LRRC4C: variants seen among roughly 807,000 people sequenced by gnomAD.
The protein encoded by LRRC4C is leucine-rich repeat-containing protein 4C.
A neutral mutation model predicts 33.6 loss-of-function variants in LRRC4C; 5 were observed. The ratio of observed to expected loss-of-function variants is 0.15; its 90% CI spans 0.08 to 0.31. The LOEUF (loss-of-function observed/expected upper bound fraction) is 0.31, where lower values mean the gene tolerates loss of function less well. LRRC4C is among the 10% of genes least tolerant of loss of function. LRRC4C has a pLI of 1.00. For missense variants in LRRC4C, 560 were observed against 796.7 expected, an observed-to-expected ratio of 0.70 and a Z score of 3.58; for synonymous variants, 329 against 302.0, an observed-to-expected ratio of 1.09 and a Z score of -0.93.
intron 1 of LRRC4C, among the ~76,000 whole-genome samples, chr11:41,142,282 C>T (rs1044391656): frequency 2.6e-5 from 4 of 152,144 alleles, no homozygotes; most frequent in African/African-American, 9.7e-5. Flanking sequence ...CATAGATGAC[C>T]TCTACCTTCA....
chr11:41,021,214 A>T (rs200529695), intron 1 of LRRC4C, among the ~76,000 whole-genome samples: 101,631 of 133,896 alleles, frequency 0.76, 37,313 homozygotes, highest in South Asian at 0.81. Flanking sequence ...AGAGAGAGAG[A>T]GTGTGTGTGT....
At chr11:40,282,165 A>G (rs960028027) in intron 4 of LRRC4C, among the ~76,000 whole-genome samples, 15 of 152,182 alleles carry the variant, frequency 9.9e-5, no homozygotes, top group African/African-American at 3.6e-4. Context: ...CCTGGCCAAC[A>G]TGGTGAAACC....
intron 2 of LRRC4C, among the ~76,000 whole-genome samples, chr11:40,842,986 A>G (rs1952982741): frequency 6.6e-6 from 1 of 152,200 alleles, no homozygotes; most frequent in African/African-American, 2.4e-5. Flanking sequence ...CTGTGTTTTC[A>G]TTCAGCCTGT....
At chr11:40,471,296 G>A (rs968902918) in intron 3 of LRRC4C, among the ~76,000 whole-genome samples, 1 of 152,222 alleles carries the variant, frequency 6.6e-6, no homozygotes, top group African/African-American at 2.4e-5. Flanking sequence ...AACTTCATAA[G>A]CGAAGGAGAA....
At chr11:40,733,213 C>T (rs1947693070) in intron 2 of LRRC4C, among the ~76,000 whole-genome samples, 1 of 151,232 alleles carries the variant, frequency 6.6e-6, no homozygotes, top group Non-Finnish European at 1.5e-5. Flanking sequence ...GTAGCTGGGA[C>T]AACAGGCGCC....
intron 2 of LRRC4C, among the ~76,000 whole-genome samples, chr11:40,912,935 CA>C (rs1262561206): frequency 6.6e-6 from 1 of 152,064 alleles, no homozygotes; most frequent in East Asian, 1.9e-4. Flanking sequence ...TAACAAAGAT[CA>C]AAAGAGACAA....
chr11:40,757,918 C>G (rs1188883526), intron 2 of LRRC4C, among the ~76,000 whole-genome samples: 1 of 151,970 alleles, frequency 6.6e-6, no homozygotes, highest in African/African-American at 2.4e-5. Context: ...CATTTCTTGA[C>G]AAGATACTTT....
chr11:40,995,062 T>C lies in LRRC4C; in HGVS notation c.-495-61339A>G, dbSNP rs1853871864. 1.3e-5 allele frequency among the ~76,000 whole-genome samples: 2 copies of C among 152,182 alleles called. 1 individual carries two copies. The highest frequency in any genetic ancestry group is 4.1e-4 in the South Asian group (2 of 4,832). On this transcript the variant is annotated intron_variant, in intron 1 of 6. Coordinates refer to ENST00000528697, the MANE Select transcript of LRRC4C (RefSeq NM_001258419.2). The stretch of plus-strand genomic sequence containing the variant: ...GTCTTTGTTGTTGTCATTCTAACAT[T>C]TCTCAAAAACATTCTAGAAACAACA...
intron 1 of LRRC4C, among the ~76,000 whole-genome samples, chr11:41,212,004 C>A (rs576962290): frequency 6.6e-6 from 1 of 152,248 alleles, no homozygotes; most frequent in African/African-American, 2.4e-5. Context: ...TATTTCCTGA[C>A]TTTTTAATGA....
chr11:40,619,003 C>A (rs1416720032), intron 3 of LRRC4C, among the ~76,000 whole-genome samples: 3 of 151,698 alleles, frequency 2.0e-5, no homozygotes, highest in Admixed American at 2.0e-4. Context: ...GATCACTGCA[C>A]TCTTTCCAAT....
chr11:40,951,602 A>G (rs976895844), intron 1 of LRRC4C, among the ~76,000 whole-genome samples: 3 of 151,990 alleles, frequency 2.0e-5, no homozygotes, highest in Non-Finnish European at 4.4e-5. Flanking sequence ...AAATATTCTA[A>G]TTTACATTTT....
chr11:41,298,482 G>C (rs529295275), intron 1 of LRRC4C, among the ~76,000 whole-genome samples: 1 of 151,832 alleles, frequency 6.6e-6, no homozygotes, highest in Admixed American at 6.6e-5. Flanking sequence ...GAATTGTTAA[G>C]AAAGAAACAG....
At chr11:40,960,172 G>A (rs1445916051) in intron 1 of LRRC4C, among the ~76,000 whole-genome samples, 1 of 151,560 alleles carries the variant, frequency 6.6e-6, no homozygotes, top group Non-Finnish European at 1.5e-5. Context: ...TCTATAATAA[G>A]CATGCAAGCT....
At chr11:40,693,943 C>T (rs538596908) in intron 2 of LRRC4C, among the ~76,000 whole-genome samples, 2 of 152,272 alleles carry the variant, frequency 1.3e-5, no homozygotes, top group East Asian at 1.9e-4. Context: ...TGCAATTCCA[C>T]ACACTTTATG....
intron 5 of LRRC4C, among the ~76,000 whole-genome samples, chr11:40,166,093 G>A (rs1859572761): frequency 6.6e-6 from 1 of 152,098 alleles, no homozygotes; most frequent in Non-Finnish European, 1.5e-5. Flanking sequence ...TGCTGTCGTA[G>A]GTATCTATAA....
chr11:40,726,515 C>T (rs1453021496), intron 2 of LRRC4C, among the ~76,000 whole-genome samples: 1 of 152,034 alleles, frequency 6.6e-6, no homozygotes, highest in Non-Finnish European at 1.5e-5. Context: ...AACATATGAT[C>T]ATTTCAATAG....
At chr11:41,328,741 A>G (rs1183657145) in intron 1 of LRRC4C, among the ~76,000 whole-genome samples, 1 of 152,198 alleles carries the variant, frequency 6.6e-6, no homozygotes, top group African/African-American at 2.4e-5. Flanking sequence ...CATAAAGGAC[A>G]TGTCTCTCTC....
intron 3 of LRRC4C, among the ~76,000 whole-genome samples, chr11:40,373,684 C>T (rs1268439690): frequency 6.6e-6 from 1 of 152,112 alleles, no homozygotes; most frequent in Non-Finnish European, 1.5e-5. Flanking sequence ...CGGCCTGGCA[C>T]CATCCCCTTG....
chr11:40,997,431 A>T (rs1854063911), intron 1 of LRRC4C, among the ~76,000 whole-genome samples: 1 of 152,118 alleles, frequency 6.6e-6, no homozygotes, highest in Non-Finnish European at 1.5e-5. Flanking sequence ...CAAAAGAGAA[A>T]ATGACTCAAT....
Sources: allele counts gnomAD v4.1 joint callset (sites outside exome capture counted in the v4.1 genomes callset), GRCh38; gene constraint gnomAD v4.1.1; transcripts MANE v1.5; gene names NCBI Gene and HGNC (gene_info 2026-07-23, HGNC 2026-07-21).